The following KMT2D variants were observed in gnomAD, a reference collection of about 807,000 sequenced individuals.
The protein encoded by KMT2D is histone-lysine N-methyltransferase 2D.
KMT2D carries 55 observed loss-of-function variants against 512.7 expected under a neutral mutation model. The ratio of observed to expected loss-of-function variants is 0.11; its 90% CI spans 0.09 to 0.13. The LOEUF (loss-of-function observed/expected upper bound fraction) is 0.13, where lower values mean the gene tolerates loss of function less well. Among genes scored for constraint, KMT2D ranks in the 10% least tolerant of loss-of-function variants. KMT2D has a pLI of 1.00. For missense variants in KMT2D, 6,061 were observed against 7,127.9 expected (o/e 0.85, Z 5.39); for synonymous variants, 2,995 against 2,904.0 (o/e 1.03, Z -1.01).
At position 49,055,381 on chromosome 12, in the gene KMT2D, G is replaced by C. The variant is rs2120719258; in HGVS notation, c.-37-20C>G. 6.6e-7 allele frequency: 1 copy of C among 1,504,954 alleles called. No individual in the cohort carries two copies. 93.2% of individuals were successfully genotyped at this position (1,504,954 alleles called of 1,614,324 possible). ...GGAGACCTGTTGGTGCCAAGAAAGA[G>C]ATCTATATGCCTACTAAGTCTTCCC... On this transcript the variant is annotated intron_variant, in intron 1 of 54. Transcript: ENST00000301067.
In KMT2D at chr12:49,044,050, A is replaced by G. The variant is rs1467269407; in HGVS notation, c.5189-52T>C. On this transcript the variant is annotated intron_variant, in intron 22 of 54. Coordinates refer to ENST00000301067, the MANE Select transcript of KMT2D (RefSeq NM_003482.4). The surrounding 1 kb of genome is among the most constrained non-coding windows in gnomAD (Gnocchi z 6.4). ...TCGGGTTGAGAGCATGCTGCTCCCA[A>G]CTTGCAGGGTGACACTTTGTGCCTA... The G allele has an allele frequency of 1.2e-6, 2 of 1,608,692 alleles. No individual in the cohort carries two copies. Among genetic ancestry groups the G allele is most frequent in the Non-Finnish European group, 1.7e-6 (2 of 1,176,658 alleles).
rs780705482 is a variant in KMT2D at position 49,034,031 on chromosome 12, C to T, written c.10740+36G>A. 7.5e-6 allele frequency: 12 copies of T among 1,592,402 alleles called. No homozygotes were observed. The South Asian group carries it at 1.2e-4, about 16-fold the overall frequency. On this transcript the variant is annotated intron_variant, in intron 39 of 54. Transcript: ENST00000301067. ...CCCCCATGCCAACCCTCTTCCCTGC[C>T]TTCTGGGTGCTAGGCTGAAGTTTGC... is the stretch of plus-strand genomic sequence containing the variant.
In KMT2D at chr12:49,032,963, C is replaced by G. The variant is rs1565777289; in HGVS notation, c.11742G>C (p.Gln3914His). ...QQLQQQQQLQ[Q>H]QQQQQLQQQQ... ...GCTGTTGTAGCTGCTGCTGCTGCTG[C>G]TGCTGAAGTTGCTGTTGCTGTTGCA... Residue 3914 changes from glutamine (Q) to histidine (H), a missense_variant, in exon 40 of 55, where the codon CAG becomes CAC. This residue lies in a region of KMT2D where 1,600 missense variants were observed against 1,754.9 expected (regional missense o/e 0.91). Coordinates refer to ENST00000301067, the MANE Select transcript of KMT2D (RefSeq NM_003482.4). The G allele has an allele frequency of 3.9e-6, 6 of 1,550,828 alleles. No individual in the cohort carries two copies. The South Asian group carries it at 7.1e-5, about 18-fold the overall frequency.
chr12:49,031,825 C>T lies in KMT2D; in HGVS notation c.12880G>A (p.Gly4294Arg), dbSNP rs1251437064. The part of the protein sequence containing the change: ...QGPPRLPAPP[G>R]ALSTGPVLGP... ...AGGACTGGTCCTGTAGATAAGGCTC[C>T]TGGTGGGGCAGGGAGCCGGGGTGGG... Residue 4294 changes from glycine to arginine, a missense_variant, in exon 40 of 55, where the codon GGA becomes AGA. Physicochemically the swap from Gly to Arg is moderately radical, Grantham distance 125. Coordinates refer to ENST00000301067, the MANE Select transcript of KMT2D (RefSeq NM_003482.4). 1 of 1,563,704 alleles carries T rather than the reference C, an allele frequency of 6.4e-7. No homozygotes were observed. Among genetic ancestry groups the T allele is most frequent in the South Asian group, 1.2e-5 (1 of 83,424 alleles).
chr12:49,025,691 C>T (rs1942543032), intron 49 of KMT2D, among the ~76,000 whole-genome samples: 1 of 152,212 alleles, frequency 6.6e-6, no homozygotes, highest in Non-Finnish European at 1.5e-5. Context: ...TAGTATAATA[C>T]TTACCTCATA....
rs754630816 is a variant in KMT2D, at chr12:49,051,064, T to C, written c.2619A>G (p.Gln873=). The change falls in exon 11 of 55, where the codon CAA becomes CAG. Residue 873 remains glutamine, a synonymous_variant. Transcript: ENST00000301067. ...RPEKPPEEPG[Q]CPAPEELPLF... ...AGGGCAGCTCCTCAGGTGCAGGGCA[T>C]TGGCCTGGCTCCTCAGGGGGCTTTT... The C allele has an allele frequency of 3.9e-6, 6 of 1,528,422 alleles. No homozygotes were observed. The highest frequency in any genetic ancestry group is 2.8e-5 in the African/African-American group (2 of 71,948). 94.7% of individuals were successfully genotyped at this position (1,528,422 alleles called of 1,614,324 possible).
chr12:49,040,951 G>C lies in KMT2D; in HGVS notation c.6819C>G (p.Leu2273=), dbSNP rs756042386. Residue 2273 remains leucine (L), a synonymous_variant, in exon 32 of 55, where the codon CTC becomes CTG. Coordinates refer to ENST00000301067, the MANE Select transcript of KMT2D (RefSeq NM_003482.4). ...VGGGKASEPL[L]SPPPFGESRK... is the part of the protein sequence containing the mutation. ...GGGACTCCCCAAAAGGTGGGGGCGA[G>C]AGCAGGGGCTCGGAAGCTTTGCCTC... 1.9e-6 allele frequency: 3 copies of C among 1,612,464 alleles called. No homozygotes were observed. The highest frequency in any genetic ancestry group is 3.3e-5 in the Admixed American group (2 of 59,804).
rs2120532034 is a variant in KMT2D, at chr12:49,040,645, A to G, written c.7125T>C (p.Thr2375=). 6.2e-7 allele frequency: 1 copy of G among 1,613,610 alleles called. No homozygotes were observed. The change falls in exon 32 of 55, where the codon ACT becomes ACC. Residue 2375 remains threonine, a synonymous_variant. Coordinates refer to ENST00000301067, the MANE Select transcript of KMT2D (RefSeq NM_003482.4). ...HPDIFRPGSY[T]DPYAQPPLTP... ...TCAATGGGGGCTGAGCATATGGGTC[A>G]GTGTAGGAGCCAGGGCGAAAGATGT...
Position 49,032,379 on chromosome 12 carries a change from T to C in KMT2D, c.12326A>G (p.His4109Arg). The change falls in exon 40 of 55, where the codon CAC (histidine) becomes CGC (arginine). Residue 4109 changes from histidine (H) to arginine (R), a missense_variant. By Grantham distance (29) the His-to-Arg change is conservative. Around this residue, in one of 16 missense-constraint regions of KMT2D, gnomAD observed 1,600 missense variants for 1,754.9 expected, o/e 0.91. Transcript: ENST00000301067. ...GQQQQQVSLL[H>R]TAGGGSHGQL... ...CCCATGGCTTCCTCCACCTGCTGTG[T>C]GGAGCAGGCTAACTTGCTGCTGCTG... 1 of 1,610,420 alleles carries C rather than the reference T, an allele frequency of 6.2e-7. No individual in the cohort carries two copies. The highest frequency in any genetic ancestry group is 8.5e-7 in the Non-Finnish European group (1 of 1,178,274).
chr12:49,041,220 G>C lies in KMT2D; in HGVS notation c.6550C>G (p.Pro2184Ala), dbSNP rs1230537280. 2.0e-6 allele frequency: 3 copies of C among 1,512,800 alleles called. No individual in the cohort carries two copies. Among genetic ancestry groups the C allele is most frequent in the Non-Finnish European group, 2.6e-6 (3 of 1,133,726 alleles). The allele number at this position is 1,512,800 out of a possible 1,614,324, so 93.7% of individuals were successfully genotyped here. Reference protein sequence around the residue: ...QDPFGLAPAYPLEPRFPTAPP... With the variant: ...QDPFGLAPAYALEPRFPTAPP... ...GCCGTGGGGAAGCGGGGCTCCAGGG[G>C]ATAGGCAGGGGCCAGTCCAAAGGGG... Residue 2184 changes from proline (P) to alanine (A), a missense_variant, in exon 32 of 55, where the codon CCC (proline) becomes GCC (alanine). This residue lies in a region of KMT2D where 710 missense variants were observed against 647.3 expected (regional missense o/e 1.10). Coordinates refer to ENST00000301067, the MANE Select transcript of KMT2D (RefSeq NM_003482.4). This position sits in a 1 kb window ranked among gnomAD's most constrained non-coding sequence, Gnocchi z 5.4.
chr12:49,019,809 A>C lies in KMT2D; in HGVS notation c.*1971T>G. The C allele has an allele frequency of 4.6e-6, 1 of 216,984 alleles. No individual in the cohort carries two copies. The highest frequency in any genetic ancestry group is 9.3e-6 in the Non-Finnish European group (1 of 107,632). The allele number at this position is 216,984 out of a possible 1,614,324, so 13.4% of individuals were successfully genotyped here. A position where few individuals can be genotyped will look rare whatever the true frequency, so the allele number is the denominator to read the frequency against. On this transcript the variant is annotated 3_prime_UTR_variant, in exon 55 of 55. Transcript: ENST00000301067. ...GAGGAAGCAGCTTTAAAAAAAAAAA[A>C]TCTCCCTACCCCCAACAATCCACAA...
At position 49,046,020 on chromosome 12, in the gene KMT2D, T is replaced by C. The variant is rs7977963; in HGVS notation, c.4693+45A>G. ...GCTGAGGTCCTGTCCCAAAGCAAGG[T>C]ACCCCTGCTCTGACTCCTCCCCCTA... On this transcript the variant is annotated intron_variant, in intron 18 of 54. Transcript: ENST00000301067. The surrounding 1 kb of genome is among the most constrained non-coding windows in gnomAD (Gnocchi z 4.2). The C allele has an allele frequency of 6.2e-7, 1 of 1,611,848 alleles. No homozygotes were observed. Among genetic ancestry groups the C allele is most frequent in the Non-Finnish European group, 8.5e-7 (1 of 1,178,274 alleles).
At position 49,037,706 on chromosome 12, in the gene KMT2D, C is replaced by G. The variant is rs2120484524; in HGVS notation, c.9650G>C (p.Ser3217Thr). 6.3e-7 allele frequency: 1 copy of G among 1,586,116 alleles called. No homozygotes were observed. The highest frequency in any genetic ancestry group is 8.6e-7 in the Non-Finnish European group (1 of 1,166,086). ...SSLLEKFELE[S>T]GALTLPGGPA... ...TCCACCAGGCAAGGTCAAAGCCCCACTCTCGAGCTCAAACTTTTCCAGCAG... is the reference window on the plus strand; with the variant it reads ...TCCACCAGGCAAGGTCAAAGCCCCAGTCTCGAGCTCAAACTTTTCCAGCAG... The change falls in exon 35 of 55, where the codon AGT becomes ACT. Residue 3217 changes from serine (S) to threonine (T), a missense_variant. Physicochemically the swap from Ser to Thr is moderately conservative, Grantham distance 58. Transcript: ENST00000301067.
chr12:49,032,834 C>CTGT lies in KMT2D; in HGVS notation c.11868_11870dup (p.Gln3965dup). ...ACTGCTGCTGTTGTTGTTGCTGTTG[C>CTGT]TGTTGTAGCTGCTGTTGCTGCTGTT... On this transcript the variant is annotated inframe_insertion, in exon 40 of 55. Coordinates refer to ENST00000301067, the MANE Select transcript of KMT2D (RefSeq NM_003482.4). 2 of 1,550,584 alleles carry CTGT rather than the reference C, an allele frequency of 1.3e-6. No homozygotes were observed. Among genetic ancestry groups the CTGT allele is most frequent in the Non-Finnish European group, 1.7e-6 (2 of 1,146,956 alleles).
chr12:49,042,093 G>A lies in KMT2D; in HGVS notation c.6105C>T (p.Tyr2035=), dbSNP rs962665678. 6.2e-7 allele frequency: 1 copy of A among 1,613,720 alleles called. No individual in the cohort carries two copies. Among genetic ancestry groups the A allele is most frequent in the Admixed American group, 1.7e-5 (1 of 59,970 alleles). ...NINFPNLKQD[Y]PDWSSRCKQI... is the part of the protein sequence containing the mutation. ...TTGCCCTCATCCCACAGGTACCTGG[G>A]TAGTCTTGCTTGAGATTAGGAAAAT... Residue 2035 remains tyrosine, a synonymous_variant, in exon 29 of 55, where the codon TAC becomes TAT. Transcript: ENST00000301067. The surrounding 1 kb of genome is among the most constrained non-coding windows in gnomAD (Gnocchi z 4.4).
intron 36 of KMT2D, 31 bp from the exon 37 acceptor site, chr12:49,034,697 G>A (rs1943131584): frequency 6.2e-7 from 1 of 1,608,306 alleles, no homozygotes; most frequent in African/African-American, 1.3e-5. Flanking sequence ...GAAGATAAGT[G>A]TTGGCAATAA....
intron 46 of KMT2D, 131 bp downstream of exon 46, chr12:49,028,697 C>G (rs1942736411): frequency 1.6e-6 from 2 of 1,221,670 alleles, no homozygotes; most frequent in Non-Finnish European, 2.3e-6. Flanking sequence ...CAGCCTCTAG[C>G]CCAGGCTTTC....
intron 35 of KMT2D, chr12:49,036,015 C>G (rs1592126334): frequency 6.6e-6 from 1 of 152,230 alleles, no homozygotes; most frequent in African/African-American, 2.4e-5. Context: ...TCTGTTTCCT[C>G]TTCTGTAATC....
rs868341631 is a variant in KMT2D, at chr12:49,021,425, G to A, written c.*355C>T. 5.3e-5 allele frequency: 18 copies of A among 337,592 alleles called. No homozygotes were observed. Among genetic ancestry groups the A allele is most frequent in the Middle Eastern group, 1.6e-3 (2 of 1,282 alleles). 20.9% of individuals were successfully genotyped at this position (337,592 alleles called of 1,614,324 possible). A position where few individuals can be genotyped will look rare whatever the true frequency, so the allele number is the denominator to read the frequency against. On this transcript the variant is annotated 3_prime_UTR_variant, in exon 55 of 55. Coordinates refer to ENST00000301067, the MANE Select transcript of KMT2D (RefSeq NM_003482.4). ...TGGGAGCAGCAGGGCTGTGAGGCCC[G>A]GCCACACATCCTCTTCCCCCACCCT...
Sources: gnomAD v4.1 joint callset for allele counts (sites outside exome capture counted in the v4.1 genomes callset) on GRCh38, gnomAD v4.1.1 for gene constraint, gnomAD v4.1.1 regional missense constraint, Gnocchi (gnomAD v3.1) non-coding constraint, MANE v1.5 for transcripts, NCBI Gene and HGNC (gene_info 2026-07-23, HGNC 2026-07-21) for gene names.